Variants in PLAU observed in about 807,000 individuals in gnomAD.
PLAU encodes plasminogen activator, urokinase, also known as urokinase-type plasminogen activator.
A neutral mutation model predicts 48.9 loss-of-function variants in PLAU; 32 were observed. That is an observed-to-expected ratio of 0.65 (90% CI 0.49 to 0.88). PLAU has a LOEUF of 0.88. Ranked by LOEUF, PLAU falls within the 40% of genes least tolerant of loss-of-function variation. The probability of loss-of-function intolerance (pLI) is 0.00; values close to 1 mark genes in which losing one functional copy is unlikely to be tolerated. For missense variants in PLAU, 455 were observed against 545.2 expected (o/e 0.83, Z 1.65); for synonymous variants, 199 against 205.7 (o/e 0.97, Z 0.28).
At chr10:73,911,656 G>T in intron 2 of PLAU, 44 bp downstream of exon 2, 1 of 1,610,136 alleles carries the variant, frequency 6.2e-7, no homozygotes, top group Non-Finnish European at 8.5e-7. Flanking sequence ...AAGGACCTCT[G>T]ATCAGCACCA....
chr10:73,911,237 A>G lies in PLAU; in HGVS notation c.-32+19A>G. ...GCCACCGGTGAGTGCCGCGGTCCTG[A>G]GATCCCCGGGCCGGATGCGCGGCGG... On this transcript the variant is annotated intron_variant, in intron 1 of 10. Transcript: ENST00000372764. 2.3e-6 allele frequency: 1 copy of G among 431,932 alleles called. No homozygotes were observed. The highest frequency in any genetic ancestry group is 4.1e-6 in the Non-Finnish European group (1 of 241,112). 26.8% of individuals were successfully genotyped at this position (431,932 alleles called of 1,614,324 possible).
At chr10:73,909,493 G>T (rs1019018088), upstream of PLAU, among the ~76,000 whole-genome samples, 1 of 152,200 alleles carries the variant, frequency 6.6e-6, no homozygotes, top group African/African-American at 2.4e-5. Flanking sequence ...CTCTCCAGAA[G>T]ACAGTGGGTC....
At chr10:73,911,459 C>T (rs1030208249) in intron 1 of PLAU, 66 bp from the exon 2 acceptor site, 17 of 1,470,868 alleles carry the variant, frequency 1.2e-5, no homozygotes, top group Middle Eastern at 2.3e-4. Flanking sequence ...CCCTGCGCTG[C>T]AGTCGCCCGC....
At chr10:73,910,589 A>G (rs1040264656), upstream of PLAU, 1 of 152,176 alleles carries the variant, frequency 6.6e-6, no homozygotes, top group African/African-American at 2.4e-5. Context: ...TGTGTTGGTG[A>G]TATCTGGGGA....
rs1001108568 is a variant in PLAU at position 73,913,649 on chromosome 10, C to T, written c.571C>T (p.Pro191Ser). The T allele has an allele frequency of 1.2e-6, 2 of 1,613,966 alleles. No homozygotes were observed. The highest frequency in any genetic ancestry group is 1.7e-6 in the Non-Finnish European group (2 of 1,179,888). Residue 191 changes from proline to serine, a missense_variant, in exon 7 of 11, where the codon CCC becomes TCC. By Grantham distance (74) the Pro-to-Ser change is moderately conservative. Coordinates refer to ENST00000372764, the MANE Select transcript of PLAU (RefSeq NM_002658.6). ...AGAATTCACCACCATCGAGAACCAG[C>T]CCTGGTTTGCGGCCATCTACAGGAG... Reference protein sequence around the residue: ...GGEFTTIENQPWFAAIYRRHR... With the variant: ...GGEFTTIENQSWFAAIYRRHR...
chr10:73,916,572 C>T lies in PLAU; in HGVS notation c.*7C>T, dbSNP rs747727351. ...GAATGGCCTGGCCCTCTGAGGGTCC[C>T]CAGGGAGGAAACGGGCACCACCCGC... is the stretch of plus-strand genomic sequence containing the variant. On this transcript the variant is annotated 3_prime_UTR_variant, in exon 11 of 11. Coordinates refer to ENST00000372764, the MANE Select transcript of PLAU (RefSeq NM_002658.6). 2.5e-6 allele frequency: 4 copies of T among 1,599,256 alleles called. No homozygotes were observed. The South Asian group carries it at 4.4e-5, about 18-fold the overall frequency.
intron 10 of PLAU, among the ~76,000 whole-genome samples, chr10:73,915,946 A>T (rs887190513): frequency 6.6e-6 from 1 of 152,094 alleles, no homozygotes; most frequent in African/African-American, 2.4e-5. Context: ...GATGTGGTAG[A>T]AAATGGGGCT....
At chr10:73,911,875 C>A (rs1350073905) in intron 2 of PLAU, 166 bp from the exon 3 acceptor site, 2 of 1,556,372 alleles carry the variant, frequency 1.3e-6, no homozygotes, top group Non-Finnish European at 1.7e-6. Flanking sequence ...CAATCCATTT[C>A]TCCTGGCTGG....
intron 4 of PLAU, among the ~76,000 whole-genome samples, chr10:73,912,643 G>A (rs2096126901): frequency 6.6e-6 from 1 of 152,116 alleles, no homozygotes; most frequent in African/African-American, 2.4e-5. Context: ...TTGAGGTCAG[G>A]AGTTCAAGAC....
At position 73,917,438 on chromosome 10, in the gene PLAU, T is replaced by A. The variant is rs1237997192; in HGVS notation, c.*873T>A. On this transcript the variant is annotated 3_prime_UTR_variant, in exon 11 of 11. Coordinates refer to ENST00000372764, the MANE Select transcript of PLAU (RefSeq NM_002658.6). The stretch of plus-strand genomic sequence containing the variant: ...ACTGAATATTTATATTTCACTATTT[T>A]TATTTATATTTTTGTAATTTTAAAT... The A allele has an allele frequency of 2.0e-5, 3 of 152,682 alleles. No homozygotes were observed. The highest frequency in any genetic ancestry group is 4.4e-5 in the Non-Finnish European group (3 of 68,054). 9.5% of individuals were successfully genotyped at this position (152,682 alleles called of 1,614,324 possible).
At position 73,912,270 on chromosome 10, in the gene PLAU, C is replaced by T. The variant is rs1381547705; in HGVS notation, c.141C>T (p.Asn47=). ...GTCVSNKYFS[N]IHWCNCPKKF... ...GTGTGTCCAACAAGTACTTCTCCAA[C>T]ATTCACTGGTGCAACTGCCCAAAGA... The change falls in exon 4 of 11, where the codon AAC becomes AAT. Residue 47 remains asparagine (N), a synonymous_variant. Coordinates refer to ENST00000372764, the MANE Select transcript of PLAU (RefSeq NM_002658.6). The T allele has an allele frequency of 8.1e-6, 13 of 1,613,858 alleles. No individual in the cohort carries two copies. Among genetic ancestry groups the T allele is most frequent in the Non-Finnish European group, 1.1e-5 (13 of 1,179,944 alleles).
chr10:73,913,821 T>G lies in PLAU; in HGVS notation c.680+63T>G, dbSNP rs1042545646. On this transcript the variant is annotated intron_variant, in intron 7 of 10. Transcript: ENST00000372764. The stretch of plus-strand genomic sequence containing the variant: ...CCACCCCAAGCACATCCCTTTCTCC[T>G]TCCCAGCAAAGTGTTCCGCCTCATT... 9 of 1,433,368 alleles carry G rather than the reference T, an allele frequency of 6.3e-6. No individual in the cohort carries two copies. In the African/African-American group the frequency reaches 1.3e-4, roughly 20 times the overall value. The allele number at this position is 1,433,368 out of a possible 1,614,324, so 88.8% of individuals were successfully genotyped here.
rs748396564 is a variant in PLAU at position 73,913,425 on chromosome 10, C to T, written c.460+44C>T. ...CTGATGACAGTGGGGTGGAAGGGGA[C>T]AAACTTACATGTCCCCTTATTCCAT... is the stretch of plus-strand genomic sequence containing the variant. On this transcript the variant is annotated intron_variant, in intron 6 of 10. Transcript: ENST00000372764. The T allele has an allele frequency of 1.0e-5, 16 of 1,583,274 alleles. No individual in the cohort carries two copies. In the South Asian group the frequency reaches 1.7e-4, roughly 16 times the overall value.
chr10:73,913,603 C>G lies in PLAU; in HGVS notation c.525C>G (p.Pro175=). The G allele has an allele frequency of 6.2e-7, 1 of 1,613,968 alleles. No individual in the cohort carries two copies. Among genetic ancestry groups the G allele is most frequent in the Non-Finnish European group, 8.5e-7 (1 of 1,179,970 alleles). ...KFQCGQKTLR[P]RFKIIGGEFT... ...AGTGTGGCCAAAAGACTCTGAGGCCCCGCTTTAAGATTATTGGGGGAGAAT... is the reference window on the plus strand; with the variant it reads ...AGTGTGGCCAAAAGACTCTGAGGCCGCGCTTTAAGATTATTGGGGGAGAAT... The change falls in exon 7 of 11, where the codon CCC becomes CCG. Residue 175 remains proline (P), a synonymous_variant. Transcript: ENST00000372764.
At chr10:73,916,257 GAA>G in intron 10 of PLAU, 130 bp from the exon 11 acceptor site, 1 of 808,044 alleles carries the variant, frequency 1.2e-6, no homozygotes, top group Non-Finnish European at 2.0e-6. Context: ...CCGAAAAAAA[GAA>G]AGAAAATGGG....
chr10:73,909,834 G>A (rs1453943258), upstream of PLAU: 1 of 152,246 alleles, frequency 6.6e-6, no homozygotes, highest in Non-Finnish European at 1.5e-5. Flanking sequence ...GAAAGAGATG[G>A]GGGTGACAGA....
rs1470705109 is a variant in PLAU at position 73,913,629 on chromosome 10, TCAC to T, written c.557_559del (p.Thr186del). 4 of 1,613,826 alleles carry T rather than the reference TCAC, an allele frequency of 2.5e-6. No individual in the cohort carries two copies. Among genetic ancestry groups the T allele is most frequent in the Non-Finnish European group, 3.4e-6 (4 of 1,179,884 alleles). On this transcript the variant is annotated inframe_deletion, in exon 7 of 11. Transcript: ENST00000372764. ...CGCTTTAAGATTATTGGGGGAGAAT[TCAC>T]CACCATCGAGAACCAGCCCTGGTTT...
At position 73,916,441 on chromosome 10, in the gene PLAU, C is replaced by T. The variant is rs776662131; in HGVS notation, c.1172C>T (p.Thr391Ile). Residue 391 changes from threonine (T) to isoleucine (I), a missense_variant, in exon 11 of 11, where the codon ACT (threonine) becomes ATT (isoleucine). By Grantham distance (89) the Thr-to-Ile change is moderately conservative. Transcript: ENST00000372764. ...TCCCTCCAAGGCCGCATGACTTTGA[C>T]TGGAATTGTGAGCTGGGGCCGTGGA... is the stretch of plus-strand genomic sequence containing the variant. The part of the protein sequence containing the change: ...VCSLQGRMTL[T>I]GIVSWGRGCA... The T allele has an allele frequency of 6.2e-7, 1 of 1,613,858 alleles. No homozygotes were observed. The highest frequency in any genetic ancestry group is 8.5e-7 in the Non-Finnish European group (1 of 1,179,896).
At chr10:73,915,465 G>T in intron 10 of PLAU, 66 bp downstream of exon 10, 1 of 1,471,912 alleles carries the variant, frequency 6.8e-7, no homozygotes, top group African/African-American at 1.4e-5. Flanking sequence ...GCTTGTTCCA[G>T]CCAGCTTAAG....
Sources: gnomAD v4.1 joint callset for allele counts (sites outside exome capture counted in the v4.1 genomes callset) on GRCh38, gnomAD v4.1.1 for gene constraint, MANE v1.5 for transcripts, NCBI Gene and HGNC (gene_info 2026-07-23, HGNC 2026-07-21) for gene names.